Variants in MAPK11 observed in about 807,000 individuals in gnomAD.
MAPK11 encodes the protein mitogen-activated protein kinase 11.
A neutral mutation model predicts 52.2 loss-of-function variants in MAPK11; 44 were observed. The observed-to-expected ratio is 0.84, with a 90% CI of 0.66 to 1.08. The LOEUF (loss-of-function observed/expected upper bound fraction) is 1.08, where lower values mean the gene tolerates loss of function less well. Among genes scored for constraint, MAPK11 ranks in the 50% least tolerant of loss-of-function variants. MAPK11 has a pLI of 0.00. For synonymous variants in MAPK11, 233 were observed against 206.3 expected (o/e 1.13, Z -1.11); for missense variants, 436 against 494.7 (o/e 0.88, Z 1.13).
rs2065242750 is a variant in MAPK11, at chr22:50,264,006, C to G, written c.*942G>C. 6.6e-6 allele frequency: 1 copy of G among 152,424 alleles called. No homozygotes were observed. Among genetic ancestry groups the G allele is most frequent in the Non-Finnish European group, 1.5e-5 (1 of 68,226 alleles). 9.4% of individuals were successfully genotyped at this position (152,424 alleles called of 1,614,324 possible). ...GCAGAAGTGTCCGAGTCCAAGTCCACATCCAGGTGTGCTGCCTGCCCTAGC... is the reference window on the plus strand; with the variant it reads ...GCAGAAGTGTCCGAGTCCAAGTCCAGATCCAGGTGTGCTGCCTGCCCTAGC... On this transcript the variant is annotated 3_prime_UTR_variant, in exon 12 of 12. Coordinates refer to ENST00000330651, the MANE Select transcript of MAPK11 (RefSeq NM_002751.7).
At chr22:50,268,243 C>T (rs1275378399) in intron 1 of MAPK11, among the ~76,000 whole-genome samples, 1 of 152,214 alleles carries the variant, frequency 6.6e-6, no homozygotes, top group African/African-American at 2.4e-5. Context: ...GGCCCCCATT[C>T]AAAGCAAGGC....
At chr22:50,266,708 C>G in intron 7 of MAPK11, 97 bp from the exon 8 acceptor site, 1 of 1,205,012 alleles carries the variant, frequency 8.3e-7, no homozygotes. Flanking sequence ...TGGGCAGACC[C>G]CCTCCTCTGC....
In MAPK11 at chr22:50,266,928, CT is replaced by C. The variant is rs777229175; in HGVS notation, c.610+5del. Reference sequence around the variant, plus strand: ...CCTTCGTCCCCCCAAGGCCTTCCCCCTGCACCTGTTTGGTTGTAATGCATCC... The same window carrying C: ...CCTTCGTCCCCCCAAGGCCTTCCCCCGCACCTGTTTGGTTGTAATGCATCC... On this transcript the variant is annotated splice_donor_5th_base_variant and intron_variant, in intron 7 of 11. Coordinates refer to ENST00000330651, the MANE Select transcript of MAPK11 (RefSeq NM_002751.7). 3 of 1,607,408 alleles carry C rather than the reference CT, an allele frequency of 1.9e-6. No individual in the cohort carries two copies. Among genetic ancestry groups the C allele is most frequent in the Non-Finnish European group, 2.5e-6 (3 of 1,179,434 alleles).
Position 50,265,542 on chromosome 22 carries a change from G to A in MAPK11, c.841+40C>T, listed in dbSNP as rs764888493. On this transcript the variant is annotated intron_variant, in intron 10 of 11. Coordinates refer to ENST00000330651, the MANE Select transcript of MAPK11 (RefSeq NM_002751.7). ...GAGGGGGGTCAGCTGTACATCCAGG[G>A]CCAGATATGGAGCCCAGTCTAGCCC... is the stretch of plus-strand genomic sequence containing the variant. 7.4e-6 allele frequency: 12 copies of A among 1,612,202 alleles called. No individual in the cohort carries two copies. The African/African-American group carries it at 9.3e-5, about 13-fold the overall frequency.
chr22:50,270,244 CG>C lies in MAPK11; in HGVS notation c.48del (p.Val17CysfsTer36). The C allele has an allele frequency of 6.7e-7, 1 of 1,490,112 alleles. No individual in the cohort carries two copies. The highest frequency in any genetic ancestry group is 8.9e-7 in the Non-Finnish European group (1 of 1,123,356). The allele number at this position is 1,490,112 out of a possible 1,614,324, so 92.3% of individuals were successfully genotyped here. Reference sequence around the variant, plus strand: ...TGCAGCCGCTGCGGCACCTCCCACACGGTCTTGTTCAGCTCCTGCCGGTAGA... The same window carrying C: ...TGCAGCCGCTGCGGCACCTCCCACACGTCTTGTTCAGCTCCTGCCGGTAGA... Reference protein sequence around the residue: ...AGFYRQELNKTVWEVPQRLQG... With the variant: ...AGFYRQELNKXVWEVPQRLQG... On this transcript the variant is annotated frameshift_variant, in exon 1 of 12. Transcript: ENST00000330651. LOFTEE classifies it high-confidence loss of function. This position sits in a 1 kb window ranked among gnomAD's most constrained non-coding sequence, Gnocchi z 6.3.
chr22:50,268,912 G>T (rs1302934585), intron 1 of MAPK11, among the ~76,000 whole-genome samples: 1 of 152,074 alleles, frequency 6.6e-6, no homozygotes. Flanking sequence ...GGTGGTGAGG[G>T]GAGTGGCCCT....
At chr22:50,269,702 G>C (rs2065292822) in intron 1 of MAPK11, among the ~76,000 whole-genome samples, 1 of 152,206 alleles carries the variant, frequency 6.6e-6, no homozygotes, top group Non-Finnish European at 1.5e-5. Flanking sequence ...GGCCATCCCA[G>C]GGGGAGAGAT....
rs35325850 is a variant in MAPK11 at position 50,267,721 on chromosome 22, TG to T, written c.247-95del. ...GCCCCCAGTGCCAGGCCGCGCCCCC[TG>T]TGTCCCCGCCCCCATCGCCAGGGCT... On this transcript the variant is annotated intron_variant, in intron 2 of 11. Coordinates refer to ENST00000330651, the MANE Select transcript of MAPK11 (RefSeq NM_002751.7). The T allele has an allele frequency of 9.9e-3, 12,843 of 1,295,012 alleles. 1,072 individuals are homozygous for T. In the African/African-American group the frequency reaches 0.19, roughly 20 times the overall value. The allele number at this position is 1,295,012 out of a possible 1,614,324, so 80.2% of individuals were successfully genotyped here.
intron 9 of MAPK11, among the ~76,000 whole-genome samples, 194 bp downstream of exon 9, chr22:50,266,032 A>G (rs1371721877): frequency 6.7e-6 from 1 of 149,436 alleles, no homozygotes; most frequent in Middle Eastern, 3.2e-3. Context: ...CTTTGCACTC[A>G]CTGTCCCTGG....
chr22:50,265,597 C>T lies in MAPK11; in HGVS notation c.826G>A (p.Gly276Arg), dbSNP rs760373580. The T allele has an allele frequency of 6.2e-7, 1 of 1,611,676 alleles. No individual in the cohort carries two copies. The highest frequency in any genetic ancestry group is 8.5e-7 in the Non-Finnish European group (1 of 1,179,360). Reference protein sequence around the residue: ...PQKDLSSIFRGANPLAIDLLG... With the variant: ...PQKDLSSIFRRANPLAIDLLG... ...CAGTCCTCACCCAGGGGGTTGGCTC[C>T]ACGGAAGATGCTGCTCAGGTCCTTC... The change falls in exon 10 of 12, where the codon GGA becomes AGA. Residue 276 changes from glycine to arginine, a missense_variant. Gly to Arg is a moderately radical substitution (Grantham distance 125, BLOSUM62 -2). Transcript: ENST00000330651.
rs773555904 is a variant in MAPK11, at chr22:50,267,675, G to A, written c.247-48C>T. ...GCCGGGCGACGAACCCCCGGCTGTC[G>A]TTCAGCTCCCCCCGGGCCACGCCCC... is the stretch of plus-strand genomic sequence containing the variant. On this transcript the variant is annotated intron_variant, in intron 2 of 11. Transcript: ENST00000330651. 4 of 1,491,044 alleles carry A rather than the reference G, an allele frequency of 2.7e-6. No individual in the cohort carries two copies. In the East Asian group the frequency reaches 7.7e-5, roughly 29 times the overall value. The allele number at this position is 1,491,044 out of a possible 1,614,324, so 92.4% of individuals were successfully genotyped here.
intron 7 of MAPK11, 110 bp from the exon 8 acceptor site, chr22:50,266,721 T>C (rs1047512816): frequency 1.5e-5 from 17 of 1,117,798 alleles, no homozygotes; most frequent in Non-Finnish European, 2.1e-5. Flanking sequence ...TCCTCTGCCA[T>C]ACCCAACCCC....
intron 7 of MAPK11, 115 bp downstream of exon 7, chr22:50,266,819 T>C (rs577089615): frequency 9.1e-7 from 1 of 1,097,578 alleles, no homozygotes; most frequent in Admixed American, 1.9e-5. Flanking sequence ...TACTTTTGAA[T>C]GTGGGTCCCA....
Position 50,265,622 on chromosome 22 carries a change from C to T in MAPK11, c.801G>A (p.Gln267=). The part of the protein sequence containing the change: ...TYIQSLPPMP[Q]KDLSSIFRGA... Reference sequence around the variant, plus strand: ...CACGGAAGATGCTGCTCAGGTCCTTCTGGGGCATGGGGGGCAGGGACTGGA... The same window carrying T: ...CACGGAAGATGCTGCTCAGGTCCTTTTGGGGCATGGGGGGCAGGGACTGGA... The change falls in exon 10 of 12, where the codon CAG becomes CAA. Residue 267 remains glutamine (Q), a synonymous_variant. Transcript: ENST00000330651. 1 of 1,606,432 alleles carries T rather than the reference C, an allele frequency of 6.2e-7. No homozygotes were observed. Among genetic ancestry groups the T allele is most frequent in the South Asian group, 1.1e-5 (1 of 90,214 alleles).
Position 50,267,862 on chromosome 22 carries a change from C to T in MAPK11, c.204G>A (p.Thr68=). The T allele has an allele frequency of 2.2e-5, 35 of 1,586,950 alleles. No homozygotes were observed. The highest frequency in any genetic ancestry group is 3.0e-5 in the Non-Finnish European group (35 of 1,169,426). Reference sequence around the variant, plus strand: ...GCTTGAGCAGCCGCAGCTCCCGGTACGTTCTGCGCGCGTGGATCAGCGACT... The same window carrying T: ...GCTTGAGCAGCCGCAGCTCCCGGTATGTTCTGCGCGCGTGGATCAGCGACT... ...PFQSLIHARR[T]YRELRLLKHL... The change falls in exon 2 of 12, where the codon ACG becomes ACA. Residue 68 remains threonine, a synonymous_variant. Transcript: ENST00000330651.
Position 50,266,933 on chromosome 22 carries a change from C to T in MAPK11, c.610+1G>A, listed in dbSNP as rs1226250451. On this transcript the variant is annotated splice_donor_variant, in intron 7 of 11. Transcript: ENST00000330651. LOFTEE classifies it high-confidence loss of function. ...GTCCCCCCAAGGCCTTCCCCCTGCA[C>T]CTGTTTGGTTGTAATGCATCCAGTT... The T allele has an allele frequency of 5.6e-6, 9 of 1,608,618 alleles. No homozygotes were observed. The highest frequency in any genetic ancestry group is 7.6e-6 in the Non-Finnish European group (9 of 1,179,680).
Position 50,267,932 on chromosome 22 carries a change from C to G in MAPK11, c.134G>C (p.Arg45Pro). 1 of 1,576,316 alleles carries G rather than the reference C, an allele frequency of 6.3e-7. No individual in the cohort carries two copies. Among genetic ancestry groups the G allele is most frequent in the Non-Finnish European group, 8.6e-7 (1 of 1,163,878 alleles). The change falls in exon 2 of 12, where the codon CGG (arginine) becomes CCG (proline). Residue 45 changes from arginine (R) to proline (P), a missense_variant. By Grantham distance (103) the Arg-to-Pro change is moderately radical (BLOSUM62 -2). Coordinates refer to ENST00000330651, the MANE Select transcript of MAPK11 (RefSeq NM_002751.7). ...YGSVCSAYDA[R>P]LRQKVAVKKL... The stretch of plus-strand genomic sequence containing the variant: ...CTTCACCGCCACCTTCTGGCGCAGC[C>G]GGGCGTCGTAGGCCGAACTGGAAGG...
At position 50,267,468 on chromosome 22, in the gene MAPK11, G is replaced by A; in HGVS notation, c.320C>T (p.Thr107Ile). Reference sequence around the variant, plus strand: ...GTTGTTCAGGTCGGCGCCCATCAGGGTGGTCACCAAGTACCTGGGGCGGGG... The same window carrying A: ...GTTGTTCAGGTCGGCGCCCATCAGGATGGTCACCAAGTACCTGGGGCGGGG... ...EDFSEVYLVTTLMGADLNNIV... is the reference protein window; with the variant it reads ...EDFSEVYLVTILMGADLNNIV... Residue 107 changes from threonine to isoleucine, a missense_variant, in exon 4 of 12, where the codon ACC becomes ATC. Thr to Ile is a moderately conservative substitution (Grantham distance 89). Transcript: ENST00000330651. The A allele has an allele frequency of 1.2e-6, 2 of 1,607,276 alleles. No individual in the cohort carries two copies. Among genetic ancestry groups the A allele is most frequent in the Non-Finnish European group, 1.7e-6 (2 of 1,177,510 alleles).
rs1183003832 is a variant in MAPK11, at chr22:50,265,043, A to G, written c.1016-16T>C. 6.2e-7 allele frequency: 1 copy of G among 1,607,338 alleles called. No individual in the cohort carries two copies. Among genetic ancestry groups the G allele is most frequent in the African/African-American group, 1.3e-5 (1 of 74,804 alleles). On this transcript the variant is annotated splice_polypyrimidine_tract_variant and intron_variant, in intron 11 of 11. Transcript: ENST00000330651. The stretch of plus-strand genomic sequence containing the variant: ...TAAGTGAGCTCTAGGAGGTGAAGGG[A>G]AAGGGTGAGCTTGTGCCTCCCACAG...
Sources: gnomAD v4.1 joint callset for allele counts (sites outside exome capture counted in the v4.1 genomes callset) on GRCh38, gnomAD v4.1.1 for gene constraint, Gnocchi (gnomAD v3.1) non-coding constraint, MANE v1.5 for transcripts, NCBI Gene and HGNC (gene_info 2026-07-23, HGNC 2026-07-21) for gene names.